The following TSPAN18 variants were observed in gnomAD, a reference collection of about 807,000 sequenced individuals.
The protein encoded by TSPAN18 is tetraspanin 18.
In TSPAN18, 14 loss-of-function variants were observed where a neutral mutation model predicts 27.3. That is an observed-to-expected ratio of 0.51 (90% CI 0.34 to 0.80). The LOEUF is 0.80. Among genes scored for constraint, TSPAN18 ranks in the 30% least tolerant of loss-of-function variants. TSPAN18 has a pLI of 0.01. For missense variants in TSPAN18, 268 were observed against 323.9 expected (o/e 0.83, Z 1.32); for synonymous variants, 143 against 136.5 (o/e 1.05, Z -0.33).
chr11:44,737,600 C>T (rs1010137538), intron 1 of TSPAN18, among the ~76,000 whole-genome samples: 2 of 152,194 alleles, frequency 1.3e-5, no homozygotes, highest in African/African-American at 4.8e-5. Context: ...AAAAGAAATA[C>T]AGAAGTTCAG....
intron 1 of TSPAN18, among the ~76,000 whole-genome samples, chr11:44,764,208 G>A (rs1343057692): frequency 1.3e-5 from 2 of 152,162 alleles, no homozygotes; most frequent in East Asian, 1.9e-4. Context: ...GAGATCTGAG[G>A]CCCCATCTCC....
At chr11:44,820,816 G>T (rs1216471572) in intron 2 of TSPAN18, among the ~76,000 whole-genome samples, 2 of 151,980 alleles carry the variant, frequency 1.3e-5, no homozygotes, top group Non-Finnish European at 2.9e-5. Context: ...ATTAGTTCAT[G>T]CAAGAGCAGG....
intron 9 of TSPAN18, 90 bp from the exon 10 acceptor site, chr11:44,929,040 GC>G: frequency 6.7e-7 from 1 of 1,483,678 alleles, no homozygotes; most frequent in South Asian, 1.1e-5. Flanking sequence ...AGAGTGACAG[GC>G]ATTCACTCCC....
At chr11:44,929,092 C>A (rs748345714) in intron 9 of TSPAN18, 39 bp from the exon 10 acceptor site, 72 of 1,611,954 alleles carry the variant, frequency 4.5e-5, no homozygotes, top group Non-Finnish European at 5.9e-5. Flanking sequence ...AAGGGCCCAG[C>A]CTGATAAGCC....
intron 2 of TSPAN18, among the ~76,000 whole-genome samples, chr11:44,804,553 A>T (rs944358326): frequency 1.1e-4 from 17 of 152,136 alleles, no homozygotes; most frequent in African/African-American, 2.9e-4. Context: ...GAAAGGAGGG[A>T]TGCCTTATTC....
chr11:44,739,480 C>T (rs575009325), intron 1 of TSPAN18, among the ~76,000 whole-genome samples: 5 of 152,086 alleles, frequency 3.3e-5, no homozygotes, highest in African/African-American at 9.6e-5. Flanking sequence ...AAAAATTAGC[C>T]GAGTGTGGTG....
At chr11:44,884,881 A>G (rs1858597205) in intron 3 of TSPAN18, among the ~76,000 whole-genome samples, 1 of 152,220 alleles carries the variant, frequency 6.6e-6, no homozygotes, top group South Asian at 2.1e-4. Context: ...AGGGAAAAAC[A>G]TTCACTGAGA....
intron 2 of TSPAN18, among the ~76,000 whole-genome samples, chr11:44,819,078 C>T (rs1315027789): frequency 6.6e-6 from 1 of 152,178 alleles, no homozygotes; most frequent in Non-Finnish European, 1.5e-5. Flanking sequence ...GCCACGGACG[C>T]GCCTGGTGTG....
chr11:44,791,667 G>A (rs1474803530), intron 2 of TSPAN18, among the ~76,000 whole-genome samples: 3 of 152,206 alleles, frequency 2.0e-5, no homozygotes, highest in Non-Finnish European at 2.9e-5. Context: ...CAGTCTCTAA[G>A]GTCTGGGCAT....
chr11:44,780,957 G>T (rs1325238892), intron 2 of TSPAN18, among the ~76,000 whole-genome samples: 1 of 152,266 alleles, frequency 6.6e-6, no homozygotes, highest in Non-Finnish European at 1.5e-5. Flanking sequence ...TATCTGTGGA[G>T]TACCTGCTTT....
intron 2 of TSPAN18, among the ~76,000 whole-genome samples, chr11:44,798,608 C>A (rs961507814): frequency 5.3e-5 from 8 of 152,184 alleles, no homozygotes; most frequent in Non-Finnish European, 1.0e-4. Flanking sequence ...TCTGGACCCC[C>A]CTGGGCAGCC....
intron 2 of TSPAN18, among the ~76,000 whole-genome samples, chr11:44,800,342 C>T (rs1856452187): frequency 6.6e-6 from 1 of 152,144 alleles, no homozygotes; most frequent in Non-Finnish European, 1.5e-5. Context: ...GCCAGAGGCC[C>T]CAGAGCTGGG....
chr11:44,769,531 T>C (rs1855643645), intron 2 of TSPAN18, among the ~76,000 whole-genome samples: 1 of 152,234 alleles, frequency 6.6e-6, no homozygotes, highest in South Asian at 2.1e-4. Context: ...GGCCTGATAC[T>C]TTCTTTTTTG....
At chr11:44,894,445 TTC>T (rs577700858) in intron 3 of TSPAN18, among the ~76,000 whole-genome samples, 1 of 152,308 alleles carries the variant, frequency 6.6e-6, no homozygotes, top group African/African-American at 2.4e-5. Context: ...CCTCCTTTCC[TTC>T]TCTCTAGAAA....
intron 2 of TSPAN18, among the ~76,000 whole-genome samples, chr11:44,857,638 G>A (rs1024076478): frequency 6.6e-6 from 1 of 152,176 alleles, no homozygotes; most frequent in African/African-American, 2.4e-5. Context: ...ACGTGGGCCA[G>A]GCCTGGCTCA....
intron 2 of TSPAN18, among the ~76,000 whole-genome samples, chr11:44,802,636 C>CAG (rs1856508236): frequency 6.6e-6 from 1 of 151,176 alleles, no homozygotes; most frequent in Non-Finnish European, 1.5e-5. Context: ...CACACACACA[C>CAG]AGCCTCTGGC....
At chr11:44,897,541 C>T (rs1859106075) in intron 3 of TSPAN18, among the ~76,000 whole-genome samples, 1 of 152,176 alleles carries the variant, frequency 6.6e-6, no homozygotes, top group African/African-American at 2.4e-5. Flanking sequence ...CAAAGGCACC[C>T]AGGAGCTGCC....
chr11:44,817,274 T>C (rs977266377), intron 2 of TSPAN18, among the ~76,000 whole-genome samples: 5 of 152,242 alleles, frequency 3.3e-5, no homozygotes, highest in Non-Finnish European at 4.4e-5. Flanking sequence ...GGATTTATAT[T>C]GGTTATCACC....
intron 2 of TSPAN18, among the ~76,000 whole-genome samples, chr11:44,823,305 A>G (rs972961818): frequency 5.9e-5 from 9 of 152,136 alleles, no homozygotes; most frequent in African/African-American, 2.2e-4. Flanking sequence ...TATGCTGACA[A>G]TTCAAAGGGT....
Sources: gnomAD v4.1 joint callset for allele counts (sites outside exome capture counted in the v4.1 genomes callset) on GRCh38, gnomAD v4.1.1 for gene constraint, MANE v1.5 for transcripts, NCBI Gene and HGNC (gene_info 2026-07-23, HGNC 2026-07-21) for gene names.